Variants in TBC1D22A observed in about 807,000 individuals in gnomAD.
TBC1D22A encodes the protein TBC1 domain family member 22A.
In TBC1D22A, 38 loss-of-function variants were observed where a neutral mutation model predicts 60.2. The observed-to-expected ratio is 0.63, with a 90% confidence interval of 0.49 to 0.83. The LOEUF (loss-of-function observed/expected upper bound fraction) is 0.83, where lower values mean the gene tolerates loss of function less well. Among genes scored for constraint, TBC1D22A ranks in the 40% least tolerant of loss-of-function variants. The probability of loss-of-function intolerance (pLI) is 0.00; values close to 1 mark genes in which losing one functional copy is unlikely to be tolerated. For synonymous variants in TBC1D22A, 302 were observed against 281.7 expected (o/e 1.07, Z -0.72); for missense variants, 628 against 701.0 (o/e 0.90, Z 1.18).
chr22:47,105,143 G>A (rs1004103912), intron 11 of TBC1D22A, among the ~76,000 whole-genome samples: 7 of 151,414 alleles, frequency 4.6e-5, no homozygotes, highest in African/African-American at 1.5e-4. Flanking sequence ...GATTCTTTTC[G>A]TCAATAATAT....
intron 10 of TBC1D22A, among the ~76,000 whole-genome samples, chr22:47,004,226 CCT>C (rs1214191425): frequency 6.7e-6 from 1 of 150,230 alleles, no homozygotes; most frequent in Non-Finnish European, 1.5e-5. Flanking sequence ...TACACACACC[CCT>C]ATATACACGC....
At chr22:46,929,780 CAATTGGATTGG>C (rs2071250981) in intron 8 of TBC1D22A, among the ~76,000 whole-genome samples, 1 of 152,094 alleles carries the variant, frequency 6.6e-6, no homozygotes, top group South Asian at 2.1e-4. Context: ...AACAATTGAA[CAATTGGATTGG>C]AATCCGTGGA....
At chr22:46,789,336 A>G (rs1292071982) in intron 1 of TBC1D22A, 1 of 447,372 alleles carries the variant, frequency 2.2e-6, no homozygotes, top group Admixed American at 2.6e-5. Flanking sequence ...TGTGTTATCC[A>G]GGATGGTCTC....
At chr22:46,844,313 C>G (rs6008986) in intron 4 of TBC1D22A, among the ~76,000 whole-genome samples, 44,222 of 151,894 alleles carry the variant, frequency 0.29, 6,444 homozygotes, top group East Asian at 0.32. Context: ...CTGCGTGCTG[C>G]TTCCTTCTCT....
intron 12 of TBC1D22A, among the ~76,000 whole-genome samples, chr22:47,122,005 G>A (rs1428947746): frequency 1.3e-5 from 2 of 152,168 alleles, no homozygotes; most frequent in African/African-American, 4.8e-5. Flanking sequence ...CCCTCAGCTC[G>A]CTGACATGCA....
At chr22:46,842,863 A>C (rs541816993) in intron 4 of TBC1D22A, among the ~76,000 whole-genome samples, 1 of 152,334 alleles carries the variant, frequency 6.6e-6, no homozygotes, top group South Asian at 2.1e-4. Context: ...CCTTGACAGC[A>C]TCACAGTTGA....
At chr22:46,773,350 G>A (rs1481688304) in intron 1 of TBC1D22A, among the ~76,000 whole-genome samples, 1 of 152,208 alleles carries the variant, frequency 6.6e-6, no homozygotes, top group Non-Finnish European at 1.5e-5. Context: ...GTCTGTGTGC[G>A]GAGCAGGCTC....
intron 10 of TBC1D22A, among the ~76,000 whole-genome samples, chr22:47,010,048 C>G (rs1410488156): frequency 6.6e-6 from 1 of 152,238 alleles, no homozygotes; most frequent in East Asian, 1.9e-4. Context: ...ATGGTTCCAC[C>G]TGTGTGGGAA....
rs1439128785 is a variant in TBC1D22A, at chr22:46,809,601, G to A, written c.637+11981G>A. Reference sequence around the variant, plus strand: ...CCTTAGCATCTCGGGGGTCAGGGCAGTATGGGAAACAGGACCATGGGCTTT... The same window carrying A: ...CCTTAGCATCTCGGGGGTCAGGGCAATATGGGAAACAGGACCATGGGCTTT... On this transcript the variant is annotated intron_variant, in intron 4 of 12. Coordinates refer to ENST00000337137, the MANE Select transcript of TBC1D22A (RefSeq NM_014346.5). Among the ~76,000 whole-genome samples the A allele has an allele frequency of 3.3e-5, 5 of 151,894 alleles. No individual in the cohort carries two copies. The South Asian group carries it at 8.3e-4, about 25-fold the overall frequency.
chr22:46,816,567 A>G (rs1032191184), intron 4 of TBC1D22A, among the ~76,000 whole-genome samples: 7 of 152,248 alleles, frequency 4.6e-5, no homozygotes, highest in Admixed American at 2.6e-4. Flanking sequence ...TTATTGGGGC[A>G]CATTGTGTGT....
intron 11 of TBC1D22A, among the ~76,000 whole-genome samples, chr22:47,048,656 C>T (rs1297387686): frequency 2.0e-5 from 3 of 152,226 alleles, no homozygotes; most frequent in Admixed American, 2.0e-4. Context: ...CTCCTTTCCT[C>T]TGCCGTCCCC....
chr22:46,800,315 G>A lies in TBC1D22A; in HGVS notation c.637+2695G>A, dbSNP rs150370532. On this transcript the variant is annotated intron_variant, in intron 4 of 12. Transcript: ENST00000337137. ...GTGTGGGGGATGGGTCTGTGAGTTC[G>A]CCTAGAGCACCAGGTGTGGAGGTGT... Among the ~76,000 whole-genome samples the A allele has an allele frequency of 2.9e-3, 440 of 152,316 alleles. 1 individual carries two copies. Among genetic ancestry groups the A allele is most frequent in the Non-Finnish European group, 4.6e-3 (310 of 68,022 alleles).
At chr22:47,056,129 T>G (rs1302101259) in intron 11 of TBC1D22A, among the ~76,000 whole-genome samples, 1 of 152,040 alleles carries the variant, frequency 6.6e-6, no homozygotes, top group African/African-American at 2.4e-5. Context: ...CGGGTAACGG[T>G]GGCCCAAAAA....
At chr22:47,146,719 G>A (rs776553226) in intron 12 of TBC1D22A, among the ~76,000 whole-genome samples, 10 of 152,176 alleles carry the variant, frequency 6.6e-5, no homozygotes, top group Non-Finnish European at 1.2e-4. Context: ...TCTTGATGGG[G>A]CGGTGGGAAG....
At chr22:47,085,336 A>G (rs1471139381) in intron 11 of TBC1D22A, among the ~76,000 whole-genome samples, 1 of 152,214 alleles carries the variant, frequency 6.6e-6, no homozygotes, top group Non-Finnish European at 1.5e-5. Flanking sequence ...AAAACTATAA[A>G]AATATCAGTT....
chr22:47,078,051 A>T (rs755567180), intron 11 of TBC1D22A, among the ~76,000 whole-genome samples: 1 of 152,150 alleles, frequency 6.6e-6, no homozygotes, highest in Non-Finnish European at 1.5e-5. Context: ...TTGGTCATAC[A>T]TGCCCATCTG....
intron 6 of TBC1D22A, among the ~76,000 whole-genome samples, chr22:46,894,243 TG>T (rs947239554): frequency 9.9e-5 from 15 of 152,168 alleles, no homozygotes; most frequent in African/African-American, 3.4e-4. Context: ...TCTGCAGTGT[TG>T]GGGACTTTAT....
At chr22:47,156,475 C>G (rs189909715) in intron 12 of TBC1D22A, among the ~76,000 whole-genome samples, 171 of 152,294 alleles carry the variant, frequency 1.1e-3, no homozygotes, top group Admixed American at 1.9e-3. Context: ...GCCGTCTCCT[C>G]CCTCGGACAT....
intron 10 of TBC1D22A, among the ~76,000 whole-genome samples, chr22:47,012,306 C>G (rs1409743264): frequency 6.6e-6 from 1 of 152,170 alleles, no homozygotes; most frequent in Admixed American, 6.5e-5. Context: ...TCAGAGGGTC[C>G]TGGGGCTCAC....
Sources: allele counts gnomAD v4.1 joint callset (sites outside exome capture counted in the v4.1 genomes callset), GRCh38; gene constraint gnomAD v4.1.1; transcripts MANE v1.5; gene names NCBI Gene and HGNC (gene_info 2026-07-23, HGNC 2026-07-21).